The following IL7R variants were observed in gnomAD, a reference collection of about 807,000 sequenced individuals.
IL7R encodes interleukin 7 receptor.
In IL7R, 38 loss-of-function variants were observed where a neutral mutation model predicts 47.0. The ratio of observed to expected loss-of-function variants is 0.81; its 90% confidence interval spans 0.62 to 1.06. The LOEUF is 1.06. IL7R is among the 50% of genes least tolerant of loss of function. IL7R has a pLI of 0.00. For missense variants in IL7R, 633 were observed against 534.8 expected (o/e 1.18, Z -1.81); for synonymous variants, 221 against 199.8 (o/e 1.11, Z -0.89).
In IL7R at chr5:35,876,591, C is replaced by G. The variant is rs200590959; in HGVS notation, c.*105C>G. The G allele has an allele frequency of 4.5e-5, 53 of 1,183,588 alleles. 1 individual carries two copies. The Admixed American group carries it at 9.7e-4, about 22-fold the overall frequency. The allele number at this position is 1,183,588 out of a possible 1,614,324, so 73.3% of individuals were successfully genotyped here. ...CACAGCACAGAGAAGACAAAATTAG[C>G]AAAACCCCACTACACAGTCTGCAAG... On this transcript the variant is annotated 3_prime_UTR_variant, in exon 8 of 8. Coordinates refer to ENST00000303115, the MANE Select transcript of IL7R (RefSeq NM_002185.5).
chr5:35,862,970 A>T (rs1249246908), intron 2 of IL7R, among the ~76,000 whole-genome samples: 2 of 151,954 alleles, frequency 1.3e-5, no homozygotes, highest in African/African-American at 4.8e-5. Context: ...TTTCCACCTG[A>T]TGTTTGTCCT....
At chr5:35,862,453 T>C (rs935022100) in intron 2 of IL7R, among the ~76,000 whole-genome samples, 3 of 152,174 alleles carry the variant, frequency 2.0e-5, no homozygotes, top group African/African-American at 7.2e-5. Flanking sequence ...CTCTTGACTT[T>C]TCCTGTCATA....
At chr5:35,863,207 TC>T (rs1414507022) in intron 2 of IL7R, among the ~76,000 whole-genome samples, 1 of 152,090 alleles carries the variant, frequency 6.6e-6, no homozygotes, top group East Asian at 1.9e-4. Context: ...TTAAGGAATG[TC>T]CCCAAAATAA....
chr5:35,866,492 A>G (rs1290617629), intron 2 of IL7R, among the ~76,000 whole-genome samples: 3 of 152,052 alleles, frequency 2.0e-5, no homozygotes, highest in Non-Finnish European at 4.4e-5. Flanking sequence ...CTTTCCTTAT[A>G]CATTTGATAG....
chr5:35,874,555 A>G lies in IL7R; in HGVS notation c.800+13A>G, dbSNP rs568980414. 1.5e-5 allele frequency: 24 copies of G among 1,560,146 alleles called. No individual in the cohort carries two copies. Among genetic ancestry groups the G allele is most frequent in the Non-Finnish European group, 1.8e-5 (20 of 1,130,822 alleles). ...TATGGAAAAAAAGGTGACCTTCTTCAACTAATAAAGAGGGTGATTGTGTGG... is the reference window on the plus strand; with the variant it reads ...TATGGAAAAAAAGGTGACCTTCTTCGACTAATAAAGAGGGTGATTGTGTGG... On this transcript the variant is annotated intron_variant, in intron 6 of 7. Coordinates refer to ENST00000303115, the MANE Select transcript of IL7R (RefSeq NM_002185.5).
intron 3 of IL7R, 50 bp from the exon 4 acceptor site, chr5:35,871,006 T>A: frequency 6.5e-7 from 1 of 1,541,908 alleles, no homozygotes; most frequent in Admixed American, 1.7e-5. Context: ...ATACTATAAT[T>A]ATTTCCTTGG....
rs2149905765 is a variant in IL7R at position 35,876,220 on chromosome 5, G to T, written c.1114G>T (p.Gly372Trp). The T allele has an allele frequency of 6.2e-7, 1 of 1,614,166 alleles. No individual in the cohort carries two copies. The highest frequency in any genetic ancestry group is 8.5e-7 in the Non-Finnish European group (1 of 1,180,024). The change falls in exon 8 of 8, where the codon GGG (glycine) becomes TGG (tryptophan). Residue 372 changes from glycine (G) to tryptophan (W), a missense_variant. Coordinates refer to ENST00000303115, the MANE Select transcript of IL7R (RefSeq NM_002185.5). ...GRDSSLTCLA[G>W]NVSACDAPIL... Reference sequence around the variant, plus strand: ...AGATTCATCCCTCACATGCCTGGCTGGGAATGTCAGTGCATGTGACGCCCC... The same window carrying T: ...AGATTCATCCCTCACATGCCTGGCTTGGAATGTCAGTGCATGTGACGCCCC...
chr5:35,873,329 C>T, intron 4 of IL7R, 151 bp from the exon 5 acceptor site: 1 of 724,056 alleles, frequency 1.4e-6, no homozygotes, highest in East Asian at 2.7e-5. Flanking sequence ...CTGTTGACTC[C>T]TTTACGTATC....
chr5:35,874,254 G>A (rs1177857322), intron 5 of IL7R, among the ~76,000 whole-genome samples, 195 bp from the exon 6 acceptor site: 1 of 152,098 alleles, frequency 6.6e-6, no homozygotes, highest in South Asian at 2.1e-4. Context: ...AGATGCTCTG[G>A]GCCTGGTCAC....
In IL7R at chr5:35,860,980, T is replaced by C; in HGVS notation, c.211T>C (p.Phe71Leu). The part of the protein sequence containing the change: ...DPDVNITNLE[F>L]EICGALVEVK... ...AGATGTCAACATCACCAATCTGGAA[T>C]TTGAAATATGGTGAGGGATGGTGGT... Residue 71 changes from phenylalanine to leucine, a missense_variant, in exon 2 of 8, where the codon TTT becomes CTT. Coordinates refer to ENST00000303115, the MANE Select transcript of IL7R (RefSeq NM_002185.5). 1 of 1,613,456 alleles carries C rather than the reference T, an allele frequency of 6.2e-7. No individual in the cohort carries two copies. Among genetic ancestry groups the C allele is most frequent in the Non-Finnish European group, 8.5e-7 (1 of 1,179,454 alleles).
intron 7 of IL7R, 80 bp from the exon 8 acceptor site, chr5:35,875,903 T>C (rs1029684663): frequency 4.2e-5 from 61 of 1,469,270 alleles, no homozygotes; most frequent in African/African-American, 5.5e-5. Flanking sequence ...GAAAACTCTA[T>C]AGACCTACTC....
intron 2 of IL7R, among the ~76,000 whole-genome samples, chr5:35,862,894 C>T (rs1759853253): frequency 6.6e-6 from 1 of 152,080 alleles, no homozygotes; most frequent in Admixed American, 6.6e-5. Context: ...AGAAATGGGA[C>T]CCCGCTCCCA....
At chr5:35,865,585 A>T (rs1191610904) in intron 2 of IL7R, among the ~76,000 whole-genome samples, 1 of 152,146 alleles carries the variant, frequency 6.6e-6, no homozygotes, top group Non-Finnish European at 1.5e-5. Context: ...AACAGTGTAA[A>T]AGTGTTCCTA....
At chr5:35,860,761 A>T in intron 1 of IL7R, 91 bp from the exon 2 acceptor site, 1 of 1,255,908 alleles carries the variant, frequency 8.0e-7, no homozygotes, top group Non-Finnish European at 1.2e-6. Flanking sequence ...CATGTCTGCC[A>T]CAGAGTCTGC....
Position 35,876,590 on chromosome 5 carries a change from G to A in IL7R, c.*104G>A. 8.0e-7 allele frequency: 1 copy of A among 1,245,014 alleles called. No individual in the cohort carries two copies. The highest frequency in any genetic ancestry group is 1.1e-6 in the Non-Finnish European group (1 of 870,366). 77.1% of individuals were successfully genotyped at this position (1,245,014 alleles called of 1,614,324 possible). A position where few individuals can be genotyped will look rare whatever the true frequency, so the allele number is the denominator to read the frequency against. ...TCACAGCACAGAGAAGACAAAATTA[G>A]CAAAACCCCACTACACAGTCTGCAA... On this transcript the variant is annotated 3_prime_UTR_variant, in exon 8 of 8. Transcript: ENST00000303115.
At chr5:35,875,177 G>A (rs192923075) in intron 6 of IL7R, among the ~76,000 whole-genome samples, 1 of 152,184 alleles carries the variant, frequency 6.6e-6, no homozygotes, top group South Asian at 2.1e-4. Context: ...AGTAAACAAC[G>A]GGGTTAAATT....
At chr5:35,865,471 A>C (rs1759917715) in intron 2 of IL7R, among the ~76,000 whole-genome samples, 1 of 152,306 alleles carries the variant, frequency 6.6e-6, no homozygotes, top group African/African-American at 2.4e-5. Context: ...TTGGGTATAT[A>C]CCCAGTAATG....
At chr5:35,874,264 C>A (rs553605938) in intron 5 of IL7R, among the ~76,000 whole-genome samples, 185 bp from the exon 6 acceptor site, 1 of 152,308 alleles carries the variant, frequency 6.6e-6, no homozygotes, top group South Asian at 2.1e-4. Context: ...GGCCTGGTCA[C>A]CCAAGTCAAT....
intron 4 of IL7R, among the ~76,000 whole-genome samples, chr5:35,872,292 G>T (rs958968363): frequency 6.6e-6 from 1 of 152,086 alleles, no homozygotes; most frequent in Non-Finnish European, 1.5e-5. Flanking sequence ...TCCGCCTCCC[G>T]GGTTCAAGCA....
Sources: allele counts gnomAD v4.1 joint callset (sites outside exome capture counted in the v4.1 genomes callset), GRCh38; gene constraint gnomAD v4.1.1; transcripts MANE v1.5; gene names NCBI Gene and HGNC (gene_info 2026-07-23, HGNC 2026-07-21).